The following DAPK2 variants were observed in gnomAD, a reference collection of about 807,000 sequenced individuals.
DAPK2 encodes death-associated protein kinase 2.
In DAPK2, 35 loss-of-function variants were observed where a neutral mutation model predicts 44.1. That is an observed-to-expected ratio of 0.79 (90% CI 0.61 to 1.05). The LOEUF is 1.05. Ranked by LOEUF, DAPK2 falls within the 50% of genes least tolerant of loss-of-function variation. The probability of loss-of-function intolerance (pLI) is 0.00; values close to 1 mark genes in which losing one functional copy is unlikely to be tolerated. For missense variants in DAPK2, 453 were observed against 483.2 expected, an observed-to-expected ratio of 0.94 and a Z score of 0.59; for synonymous variants, 174 against 182.6, an observed-to-expected ratio of 0.95 and a Z score of 0.38.
chr15:63,965,557 C>G (rs546190855), intron 3 of DAPK2, among the ~76,000 whole-genome samples: 59 of 152,318 alleles, frequency 3.9e-4, no homozygotes, highest in African/African-American at 1.2e-3. Context: ...AGCTTCCCCC[C>G]CTTGGGTGGT....
At chr15:63,919,860 T>C (rs934557318) in intron 8 of DAPK2, 2 of 152,198 alleles carry the variant, frequency 1.3e-5, no homozygotes, top group Non-Finnish European at 2.9e-5. Flanking sequence ...CTTAGAAACC[T>C]GGCTGTGTGA....
At chr15:63,907,083 G>C (rs2078683196) in exon 11 of DAPK2, 1 of 152,172 alleles carries the variant, frequency 6.6e-6, no homozygotes, top group Non-Finnish European at 1.5e-5. Context: ...TGAGGCCAGA[G>C]TCTAAGATTG....
intron 6 of DAPK2, among the ~76,000 whole-genome samples, chr15:63,926,444 C>T (rs779967568): frequency 5.9e-5 from 9 of 151,908 alleles, no homozygotes; most frequent in Admixed American, 3.9e-4. Context: ...AGAGGGAGGC[C>T]CAGTGCAGCT....
At chr15:63,934,107 C>A (rs2077060059) in intron 4 of DAPK2, among the ~76,000 whole-genome samples, 1 of 151,842 alleles carries the variant, frequency 6.6e-6, no homozygotes, top group Non-Finnish European at 1.5e-5. Flanking sequence ...TAACAGCTAT[C>A]TTTGAGACAT....
chr15:63,934,221 A>G (rs1220207466), intron 4 of DAPK2, among the ~76,000 whole-genome samples: 1 of 92,108 alleles, frequency 1.1e-5, no homozygotes. Context: ...TGCATCTAAC[A>G]TTTTCTTCAT....
At chr15:63,959,524 G>A (rs567303281) in intron 3 of DAPK2, among the ~76,000 whole-genome samples, 11 of 152,220 alleles carry the variant, frequency 7.2e-5, no homozygotes, top group South Asian at 4.1e-4. Flanking sequence ...TTTGAGACAC[G>A]TCCCATCAAT....
At chr15:64,018,569 T>C (rs1182262484) in intron 1 of DAPK2, among the ~76,000 whole-genome samples, 1 of 152,116 alleles carries the variant, frequency 6.6e-6, no homozygotes, top group Non-Finnish European at 1.5e-5. Context: ...AGACTGGAAA[T>C]GGCCACCTGT....
chr15:63,991,366 G>C, intron 1 of DAPK2: 1 of 455,850 alleles, frequency 2.2e-6, no homozygotes, highest in African/African-American at 2.0e-5. Flanking sequence ...AAACAGAAGA[G>C]GGCACAGGGC....
chr15:63,944,871 T>A (rs953140933), intron 3 of DAPK2, among the ~76,000 whole-genome samples: 1 of 152,044 alleles, frequency 6.6e-6, no homozygotes, highest in Non-Finnish European at 1.5e-5. Flanking sequence ...TCACCACCCA[T>A]CCCTTGCCTG....
At chr15:63,951,454 T>G (rs1427788827) in intron 3 of DAPK2, among the ~76,000 whole-genome samples, 2 of 152,190 alleles carry the variant, frequency 1.3e-5, no homozygotes, top group African/African-American at 4.8e-5. Context: ...TGACATCGTC[T>G]ATGCACATCA....
chr15:63,922,574 T>G, intron 8 of DAPK2: 1 of 1,410,620 alleles, frequency 7.1e-7, no homozygotes, highest in Non-Finnish European at 9.2e-7. Context: ...AATGAAGAAT[T>G]AACTGGCACC....
At chr15:64,044,061 T>C (rs541246005), upstream of DAPK2, among the ~76,000 whole-genome samples, 1 of 152,286 alleles carries the variant, frequency 6.6e-6, no homozygotes, top group African/African-American at 2.4e-5. Context: ...GGGGTGAAAC[T>C]GAAGTGGAAT....
At chr15:63,962,504 G>C (rs966606932) in intron 3 of DAPK2, among the ~76,000 whole-genome samples, 12 of 152,298 alleles carry the variant, frequency 7.9e-5, no homozygotes, top group African/African-American at 2.6e-4. Flanking sequence ...GGTCTTTGAT[G>C]ATGGTGACGT....
chr15:64,038,291 C>T (rs999604641), intron 1 of DAPK2, among the ~76,000 whole-genome samples: 2 of 152,208 alleles, frequency 1.3e-5, no homozygotes, highest in African/African-American at 4.8e-5. Flanking sequence ...CAGTACTCAG[C>T]ACAGACCCCT....
intron 8 of DAPK2, among the ~76,000 whole-genome samples, chr15:63,915,981 C>T (rs1356065716): frequency 6.6e-6 from 1 of 151,322 alleles, no homozygotes; most frequent in African/African-American, 2.5e-5. Flanking sequence ...CTGTGTCCTG[C>T]CTTCTCCTGA....
intron 1 of DAPK2, among the ~76,000 whole-genome samples, chr15:64,031,524 T>C (rs745766827): frequency 1.5e-4 from 23 of 152,336 alleles, no homozygotes; most frequent in Admixed American, 9.8e-4. Flanking sequence ...TCAGCCACCA[T>C]GCCTGCCCCA....
intron 1 of DAPK2, among the ~76,000 whole-genome samples, chr15:64,037,113 A>C (rs150807021): frequency 6.6e-6 from 1 of 152,258 alleles, no homozygotes; most frequent in Non-Finnish European, 1.5e-5. Flanking sequence ...CAGGAACCCA[A>C]ACCCCAACCC....
intron 1 of DAPK2, among the ~76,000 whole-genome samples, chr15:64,012,657 T>G (rs2079417972): frequency 6.6e-6 from 1 of 152,250 alleles, no homozygotes; most frequent in African/African-American, 2.4e-5. Context: ...TGATCCCATC[T>G]GTGTATATAG....
At chr15:63,977,268 A>G (rs1048116189) in intron 2 of DAPK2, among the ~76,000 whole-genome samples, 3 of 151,982 alleles carry the variant, frequency 2.0e-5, no homozygotes, top group Non-Finnish European at 4.4e-5. Flanking sequence ...CTGGTGCACT[A>G]TTTTCTCAGT....
Sources: gnomAD v4.1 joint callset for allele counts (sites outside exome capture counted in the v4.1 genomes callset) on GRCh38, gnomAD v4.1.1 for gene constraint, MANE v1.5 for transcripts, NCBI Gene and HGNC (gene_info 2026-07-23, HGNC 2026-07-21) for gene names.